The following MCU variants were observed in gnomAD, a reference collection of about 807,000 sequenced individuals.
MCU encodes the protein calcium uniporter protein, mitochondrial.
MCU carries 12 observed loss-of-function variants against 45.2 expected under a neutral mutation model. The observed-to-expected ratio is 0.27, with a 90% confidence interval of 0.17 to 0.43. MCU has a LOEUF of 0.43. Ranked by LOEUF, MCU falls within the 20% of genes least tolerant of loss-of-function variation. The pLI is 1.00. For missense variants in MCU, 324 were observed against 436.7 expected, an observed-to-expected ratio of 0.74 and a Z score of 2.30; for synonymous variants, 160 against 165.1, an observed-to-expected ratio of 0.97 and a Z score of 0.24.
chr10:72,862,002 G>A (rs1241559879), intron 4 of MCU, among the ~76,000 whole-genome samples: 1 of 131,642 alleles, frequency 7.6e-6, no homozygotes, highest in African/African-American at 2.9e-5. Flanking sequence ...TTTTTTTTGA[G>A]ACTGAGTCTT....
chr10:72,695,436 A>C (rs940061239), intron 1 of MCU, among the ~76,000 whole-genome samples: 9 of 152,326 alleles, frequency 5.9e-5, no homozygotes, highest in Admixed American at 5.2e-4. Context: ...GATTCATCCC[A>C]GCACAAATAC....
rs187675117 is a variant in MCU, at chr10:72,742,214, G to A, written c.150+49913G>A. Among the ~76,000 whole-genome samples, 10 of 151,736 alleles carry A rather than the reference G, an allele frequency of 6.6e-5. No homozygotes were observed. In the East Asian group the frequency reaches 1.6e-3, roughly 24 times the overall value. ...ACATGTTGTACAGGTGTGTAGCCTC[G>A]GAGCAATAGGACATACCATATGTCC... On this transcript the variant is annotated intron_variant, in intron 1 of 7. Coordinates refer to ENST00000373053, the MANE Select transcript of MCU (RefSeq NM_138357.3).
At chr10:72,750,418 A>T (rs1296216490) in intron 1 of MCU, among the ~76,000 whole-genome samples, 1 of 152,212 alleles carries the variant, frequency 6.6e-6, no homozygotes, top group Non-Finnish European at 1.5e-5. Flanking sequence ...GCTCTGAGAA[A>T]ACTTTGTTGC....
chr10:72,697,165 GGA>G (rs1842697941), intron 1 of MCU, among the ~76,000 whole-genome samples: 1 of 152,168 alleles, frequency 6.6e-6, no homozygotes, highest in Non-Finnish European at 1.5e-5. Flanking sequence ...TGCCCAGGCT[GGA>G]GTGCAGTGGC....
At chr10:72,799,268 A>G (rs1253453143) in intron 1 of MCU, among the ~76,000 whole-genome samples, 1 of 152,200 alleles carries the variant, frequency 6.6e-6, no homozygotes, top group African/African-American at 2.4e-5. Flanking sequence ...CATTGTATTG[A>G]TATAATTTAT....
intron 1 of MCU, among the ~76,000 whole-genome samples, chr10:72,797,170 G>A (rs1844261117): frequency 6.6e-6 from 1 of 150,494 alleles, no homozygotes; most frequent in African/African-American, 2.4e-5. Context: ...GTATATTTCT[G>A]TATGTTTCAG....
At chr10:72,832,997 C>G (rs192602374) in intron 1 of MCU, among the ~76,000 whole-genome samples, 4 of 132,352 alleles carry the variant, frequency 3.0e-5, no homozygotes, top group South Asian at 4.6e-4. Context: ...TGTGGAGAAA[C>G]AAATAAACAA....
intron 1 of MCU, among the ~76,000 whole-genome samples, chr10:72,731,962 C>T (rs757526789): frequency 2.0e-5 from 3 of 152,120 alleles, no homozygotes; most frequent in African/African-American, 4.8e-5. Flanking sequence ...TATATACCTT[C>T]GAGTAGAATT....
chr10:72,741,016 C>G (rs1589439465), intron 1 of MCU, among the ~76,000 whole-genome samples: 1 of 151,736 alleles, frequency 6.6e-6, no homozygotes, highest in Non-Finnish European at 1.5e-5. Context: ...TAATTGTAAA[C>G]ACAATTAACA....
chr10:72,746,987 C>CCTAA (rs1843423424), intron 1 of MCU, among the ~76,000 whole-genome samples: 1 of 152,138 alleles, frequency 6.6e-6, no homozygotes, highest in Admixed American at 6.5e-5. Flanking sequence ...GCCTTTTCAG[C>CCTAA]CTAACTCTGG....
intron 2 of MCU, among the ~76,000 whole-genome samples, chr10:72,838,597 T>C (rs1390605205): frequency 6.6e-6 from 1 of 152,050 alleles, no homozygotes; most frequent in Non-Finnish European, 1.5e-5. Flanking sequence ...GACTGCTCAC[T>C]GCTCCCTCCT....
At chr10:72,841,036 C>T (rs1048768619) in intron 2 of MCU, among the ~76,000 whole-genome samples, 4 of 152,132 alleles carry the variant, frequency 2.6e-5, no homozygotes, top group Admixed American at 2.6e-4. Flanking sequence ...TCAGGATTGT[C>T]ATCATTTTTT....
chr10:72,711,520 C>CT (rs748329420), intron 1 of MCU, among the ~76,000 whole-genome samples: 147 of 134,060 alleles, frequency 1.1e-3, no homozygotes, highest in African/African-American at 1.3e-3. Context: ...TACGCCTGGC[C>CT]TTTTTTTTTT....
intron 1 of MCU, among the ~76,000 whole-genome samples, chr10:72,800,150 C>A (rs998960649): frequency 3.9e-5 from 6 of 152,180 alleles, no homozygotes; most frequent in African/African-American, 9.7e-5. Context: ...ACCCTCCCCC[C>A]AGTGCCTTCC....
At chr10:72,885,273 T>C (rs1284743251) in intron 7 of MCU, among the ~76,000 whole-genome samples, 2 of 152,230 alleles carry the variant, frequency 1.3e-5, no homozygotes, top group Non-Finnish European at 2.9e-5. Flanking sequence ...AGTCCAAGCA[T>C]GTGTGAGTTT....
At chr10:72,808,235 G>A (rs1010507670) in intron 1 of MCU, among the ~76,000 whole-genome samples, 57 of 152,214 alleles carry the variant, frequency 3.7e-4, no homozygotes, top group African/African-American at 1.3e-3. Context: ...TTCTGATGCA[G>A]ATCTCATTAC....
intron 1 of MCU, among the ~76,000 whole-genome samples, chr10:72,705,854 G>GC (rs1466437382): frequency 1.3e-5 from 2 of 151,714 alleles, no homozygotes; most frequent in African/African-American, 2.4e-5. Flanking sequence ...GGGTGCACAC[G>GC]CCTGTAATTC....
In MCU at chr10:72,886,125, C is replaced by G. The variant is rs988365718; in HGVS notation, c.*303C>G. On this transcript the variant is annotated 3_prime_UTR_variant, in exon 8 of 8. Coordinates refer to ENST00000373053, the MANE Select transcript of MCU (RefSeq NM_138357.3). ...AAGAGAAAACAATGCTGGGGGTGTT[C>G]GTTTCTTGCATCTTCTTTGCAGAGT... The G allele has an allele frequency of 1.3e-5, 3 of 226,110 alleles. No homozygotes were observed. The highest frequency in any genetic ancestry group is 2.6e-5 in the Non-Finnish European group (3 of 116,214). 14.0% of individuals were successfully genotyped at this position (226,110 alleles called of 1,614,324 possible). A position where few individuals can be genotyped will look rare whatever the true frequency, so the allele number is the denominator to read the frequency against.
intron 1 of MCU, among the ~76,000 whole-genome samples, chr10:72,729,515 G>C (rs1357575748): frequency 1.3e-5 from 2 of 152,126 alleles, no homozygotes; most frequent in East Asian, 3.8e-4. Context: ...TTTTAAAAAA[G>C]AAACCAGTCC....
Sources: gnomAD v4.1 joint callset for allele counts (sites outside exome capture counted in the v4.1 genomes callset) on GRCh38, gnomAD v4.1.1 for gene constraint, MANE v1.5 for transcripts, NCBI Gene and HGNC (gene_info 2026-07-23, HGNC 2026-07-21) for gene names.